The following IL2RA variants were observed in gnomAD, a reference collection of about 807,000 sequenced individuals.
IL2RA encodes interleukin 2 receptor subunit alpha.
IL2RA carries 24 observed loss-of-function variants against 37.8 expected under a neutral mutation model. The ratio of observed to expected loss-of-function variants is 0.63; its 90% CI spans 0.46 to 0.89. The LOEUF is 0.89. IL2RA is among the 40% of genes least tolerant of loss of function. The pLI, the probability that IL2RA is intolerant of heterozygous loss-of-function variation, is 0.00. For synonymous variants in IL2RA, 125 were observed against 114.6 expected (o/e 1.09, Z -0.58); for missense variants, 319 against 348.6 (o/e 0.92, Z 0.68).
intron 2 of IL2RA, 74 bp from the exon 3 acceptor site, chr10:6,024,428 C>T: frequency 1.8e-6 from 2 of 1,115,888 alleles, no homozygotes; most frequent in Admixed American, 1.8e-5. Flanking sequence ...TGTATTCATT[C>T]ACTTGAGAAG....
Position 6,021,748 on chromosome 10 carries a change from G to C in IL2RA, c.368-55C>G. The C allele has an allele frequency of 6.8e-7, 1 of 1,471,488 alleles. No homozygotes were observed. Among genetic ancestry groups the C allele is most frequent in the Non-Finnish European group, 9.5e-7 (1 of 1,052,636 alleles). The allele number at this position is 1,471,488 out of a possible 1,614,324, so 91.2% of individuals were successfully genotyped here. On this transcript the variant is annotated intron_variant, in intron 3 of 7. Transcript: ENST00000379959. This position sits in a 1 kb window ranked among gnomAD's most constrained non-coding sequence, Gnocchi z 4.9. ...AAGTTGGGGACAGCACCGCGAGTGAGTCCAGGTTGCCTCTTGCTAGGGACT... is the reference window on the plus strand; with the variant it reads ...AAGTTGGGGACAGCACCGCGAGTGACTCCAGGTTGCCTCTTGCTAGGGACT...
In IL2RA at chr10:6,020,731, C is replaced by T. The variant is rs181952651; in HGVS notation, c.583+747G>A. On this transcript the variant is annotated intron_variant, in intron 4 of 7. Transcript: ENST00000379959. The surrounding 1 kb of genome is among the most constrained non-coding windows in gnomAD (Gnocchi z 5.6). ...TATTTTTAGTAGAGACGGGGTTTCA[C>T]CATGTTGGCCAGGCTGGTCTCGAAC... 7.9e-5 allele frequency among the ~76,000 whole-genome samples: 12 copies of T among 152,080 alleles called. No homozygotes were observed. The highest frequency in any genetic ancestry group is 3.3e-4 in the Admixed American group (5 of 15,266).
Position 6,053,299 on chromosome 10 carries a change from G to A in IL2RA, c.64+8789C>T, listed in dbSNP as rs1839992829. On this transcript the variant is annotated intron_variant, in intron 1 of 7. Transcript: ENST00000379959. The stretch of plus-strand genomic sequence containing the variant: ...AAGCCCATTTAACCACAGTTCACCA[G>A]GCAGAAAATGGGGATAATCATATGA... 2.0e-5 allele frequency among the ~76,000 whole-genome samples: 3 copies of A among 152,096 alleles called. No individual in the cohort carries two copies. In the South Asian group the frequency reaches 6.2e-4, roughly 31 times the overall value.
At chr10:6,031,473 T>C (rs868863400) in intron 1 of IL2RA, among the ~76,000 whole-genome samples, 1,403 of 16,738 alleles carry the variant, frequency 0.084, 45 homozygotes, top group African/African-American at 0.27. Context: ...TATATATATA[T>C]ATATATATAT....
chr10:6,043,561 C>T (rs576199444), intron 1 of IL2RA, among the ~76,000 whole-genome samples: 2 of 152,116 alleles, frequency 1.3e-5, no homozygotes, highest in African/African-American at 4.8e-5. Context: ...GCCTCAGCCC[C>T]CCAAGAAGCT....
rs1053251460 is a variant in IL2RA at position 6,014,048 on chromosome 10, G to T, written c.795-1152C>A. Among the ~76,000 whole-genome samples the T allele has an allele frequency of 6.6e-6, 1 of 152,012 alleles. No individual in the cohort carries two copies. Among genetic ancestry groups the T allele is most frequent in the African/African-American group, 2.4e-5 (1 of 41,408 alleles). ...AGGTCTCACTTTGTTGCCCAGGCTG[G>T]TCTCAAGCGAGCCTCTCACCTTAGT... On this transcript the variant is annotated intron_variant, in intron 7 of 7. Transcript: ENST00000379959. The surrounding 1 kb of genome is among the most constrained non-coding windows in gnomAD (Gnocchi z 4.4).
At chr10:6,039,400 T>C (rs1839736995) in intron 1 of IL2RA, 1 of 152,230 alleles carries the variant, frequency 6.6e-6, no homozygotes, top group African/African-American at 2.4e-5. Flanking sequence ...TTTAGAAATC[T>C]ACTATCATAA....
At chr10:6,019,775 A>T in intron 5 of IL2RA, 95 bp downstream of exon 5, 1 of 1,168,554 alleles carries the variant, frequency 8.6e-7, no homozygotes, top group Admixed American at 1.7e-5. Context: ...TCTCCCCTAC[A>T]GGTCACCTCC....
chr10:6,024,263 C>T lies in IL2RA; in HGVS notation c.348G>A (p.Val116=), dbSNP rs752342176. The T allele has an allele frequency of 6.2e-7, 1 of 1,613,316 alleles. No individual in the cohort carries two copies. Among genetic ancestry groups the T allele is most frequent in the Non-Finnish European group, 8.5e-7 (1 of 1,179,230 alleles). ...TCTCACCTGGAAGGCTCGCTTGGTCCACTGGCTGCATTGGACTTTGCATTT... is the reference window on the plus strand; with the variant it reads ...TCTCACCTGGAAGGCTCGCTTGGTCTACTGGCTGCATTGGACTTTGCATTT... ...TTEMQSPMQP[V]DQASLPGHCR... The change falls in exon 3 of 8, where the codon GTG becomes GTA. Residue 116 remains valine, a synonymous_variant. Transcript: ENST00000379959.
chr10:6,026,539 C>T (rs12722685), intron 1 of IL2RA, among the ~76,000 whole-genome samples: 3,145 of 152,236 alleles, frequency 0.021, 106 homozygotes, highest in African/African-American at 0.071. Context: ...CCCACCTGCC[C>T]ACCTCTGAGT....
intron 1 of IL2RA, among the ~76,000 whole-genome samples, chr10:6,060,806 C>G (rs1840111804): frequency 6.6e-6 from 1 of 151,940 alleles, no homozygotes; most frequent in African/African-American, 2.4e-5. Context: ...ATAAAATGCC[C>G]TCTTTAAAGA....
At chr10:6,051,817 CTATA>C (rs61008683) in intron 1 of IL2RA, among the ~76,000 whole-genome samples, 2,236 of 33,678 alleles carry the variant, frequency 0.066, 347 homozygotes, top group African/African-American at 0.19. Flanking sequence ...TCATGCCCAG[CTATA>C]TATATATATA....
intron 2 of IL2RA, among the ~76,000 whole-genome samples, chr10:6,024,798 T>C (rs1839454294): frequency 6.6e-6 from 1 of 152,248 alleles, no homozygotes; most frequent in South Asian, 2.1e-4. Flanking sequence ...CTGTTCAGAA[T>C]GCTTGAAGTT....
At chr10:6,041,149 G>A (rs898467119) in intron 1 of IL2RA, among the ~76,000 whole-genome samples, 4 of 137,624 alleles carry the variant, frequency 2.9e-5, no homozygotes, top group Admixed American at 2.4e-4. Flanking sequence ...ACGGAGTCTC[G>A]CTTTGTCTCC....
Position 6,014,977 on chromosome 10 carries a change from T to C in IL2RA, c.795-2081A>G, listed in dbSNP as rs1272951320. Among the ~76,000 whole-genome samples the C allele has an allele frequency of 6.6e-6, 1 of 152,126 alleles. No homozygotes were observed. Among genetic ancestry groups the C allele is most frequent in the Non-Finnish European group, 1.5e-5 (1 of 68,000 alleles). On this transcript the variant is annotated intron_variant, in intron 7 of 7. Coordinates refer to ENST00000379959, the MANE Select transcript of IL2RA (RefSeq NM_000417.3). The surrounding 1 kb of genome is among the most constrained non-coding windows in gnomAD (Gnocchi z 4.4). The stretch of plus-strand genomic sequence containing the variant: ...TCTCAGGGTCTTACTGTGGAGTTTG[T>C]ATCAGGGTTGGCCAGAGTGGATGCT...
At chr10:6,037,343 G>A (rs183026012) in intron 1 of IL2RA, among the ~76,000 whole-genome samples, 1 of 152,176 alleles carries the variant, frequency 6.6e-6, no homozygotes, top group Non-Finnish European at 1.5e-5. Flanking sequence ...GGAAAAGGGG[G>A]CTGATAAAGA....
Position 6,012,743 on chromosome 10 carries a change from C to A in IL2RA, c.*129G>T. 1 of 971,732 alleles carries A rather than the reference C, an allele frequency of 1.0e-6. No homozygotes were observed. The highest frequency in any genetic ancestry group is 1.6e-5 in the African/African-American group (1 of 62,528). 60.2% of individuals were successfully genotyped at this position (971,732 alleles called of 1,614,324 possible). ...GTCCTGTGATGTGACTTCAGAGCTT[C>A]CAAAACGCAGGCAAGCACAACGGAT... On this transcript the variant is annotated 3_prime_UTR_variant, in exon 8 of 8. Transcript: ENST00000379959. The surrounding 1 kb of genome is among the most constrained non-coding windows in gnomAD (Gnocchi z 4.8).
At chr10:6,026,347 A>G (rs530973994) in intron 1 of IL2RA, among the ~76,000 whole-genome samples, 1 of 152,350 alleles carries the variant, frequency 6.6e-6, no homozygotes, top group Admixed American at 6.5e-5. Context: ...AAGGAATGTG[A>G]AGAAAGGAAG....
Position 6,014,248 on chromosome 10 carries a change from C to T in IL2RA, c.795-1352G>A, listed in dbSNP as rs1040578613. Among the ~76,000 whole-genome samples, 5 of 152,092 alleles carry T rather than the reference C, an allele frequency of 3.3e-5. No homozygotes were observed. The highest frequency in any genetic ancestry group is 2.1e-4 in the South Asian group (1 of 4,824). On this transcript the variant is annotated intron_variant, in intron 7 of 7. Transcript: ENST00000379959. This position sits in a 1 kb window ranked among gnomAD's most constrained non-coding sequence, Gnocchi z 4.4. The stretch of plus-strand genomic sequence containing the variant: ...ACATCACGGGCTCCTGGTCATTGCC[C>T]GAAACAAACAAAAAATATTTCCCCA...
Sources: allele counts gnomAD v4.1 joint callset (sites outside exome capture counted in the v4.1 genomes callset), GRCh38; gene constraint gnomAD v4.1.1; non-coding constraint Gnocchi (gnomAD v3.1); transcripts MANE v1.5; gene names NCBI Gene and HGNC (gene_info 2026-07-23, HGNC 2026-07-21).